PCDHA2: variants seen among roughly 807,000 people sequenced by gnomAD.
The protein encoded by PCDHA2 is protocadherin alpha 2.
A neutral mutation model predicts 66.0 loss-of-function variants in PCDHA2; 58 were observed. The observed-to-expected ratio is 0.88, with a 90% CI of 0.71 to 1.09. The LOEUF (loss-of-function observed/expected upper bound fraction) is 1.09, where lower values mean the gene tolerates loss of function less well. PCDHA2 is among the 50% of genes least tolerant of loss of function. PCDHA2 has a pLI of 0.00. For missense variants in PCDHA2, 1,267 were observed against 1,242.3 expected (o/e 1.02, Z -0.30); for synonymous variants, 634 against 554.0 (o/e 1.14, Z -2.03).
rs2098422801 is a variant in PCDHA2, at chr5:141,012,055, C to T, written c.*2118C>T. On this transcript the variant is annotated 3_prime_UTR_variant, in exon 4 of 4. Coordinates refer to ENST00000526136, the MANE Select transcript of PCDHA2 (RefSeq NM_018905.3). ...GGATTGCATGGGGTAAAACTTGTTA[C>T]CAACACATGTGAACCATTGCTACAT... The T allele has an allele frequency of 6.5e-6, 1 of 153,666 alleles. No individual in the cohort carries two copies. Among genetic ancestry groups the T allele is most frequent in the African/African-American group, 2.4e-5 (1 of 41,404 alleles). 9.5% of individuals were successfully genotyped at this position (153,666 alleles called of 1,614,324 possible).
intron 1 of PCDHA2, among the ~76,000 whole-genome samples, chr5:140,855,586 G>A (rs2043525650): frequency 1.3e-5 from 2 of 149,676 alleles, no homozygotes; most frequent in Admixed American, 1.3e-4. Context: ...TAAAATATTA[G>A]TATACTCAGT....
intron 1 of PCDHA2, among the ~76,000 whole-genome samples, chr5:140,964,393 C>T (rs782008532): frequency 6.6e-6 from 1 of 152,098 alleles, no homozygotes; most frequent in Admixed American, 6.5e-5. Context: ...GTTTTTCTCC[C>T]AAGACATGAC....
intron 1 of PCDHA2, among the ~76,000 whole-genome samples, chr5:140,879,868 A>G (rs544274525): frequency 2.0e-5 from 3 of 152,222 alleles, no homozygotes; most frequent in Middle Eastern, 3.4e-3. Context: ...CTCAGCTTTC[A>G]TGGTCACATT....
chr5:140,815,613 A>T (rs1554126828), intron 1 of PCDHA2: 16 of 152,076 alleles, frequency 1.1e-4, no homozygotes, highest in Non-Finnish European at 1.9e-4. Context: ...TGACTTTTGT[A>T]CCACCATTAC....
At chr5:140,803,544 C>A in intron 1 of PCDHA2, 2 of 1,614,160 alleles carry the variant, frequency 1.2e-6, no homozygotes, top group East Asian at 2.2e-5. Flanking sequence ...TCCAATTAGC[C>A]GGGATAGAGA....
At chr5:140,972,854 G>C (rs895738831) in intron 1 of PCDHA2, among the ~76,000 whole-genome samples, 1 of 151,946 alleles carries the variant, frequency 6.6e-6, no homozygotes, top group African/African-American at 2.4e-5. Context: ...AGTAGAGATG[G>C]GGTTTCATCA....
chr5:140,877,818 T>G (rs1207543793), intron 1 of PCDHA2: 3 of 1,608,774 alleles, frequency 1.9e-6, no homozygotes, highest in African/African-American at 2.7e-5. Context: ...CTCGAGAAGA[T>G]TGTTTAAATC....
Position 140,929,060 on chromosome 5 carries a change from A to G in PCDHA2, c.2389-49889A>G, listed in dbSNP as rs782222884. 3 of 1,614,188 alleles carry G rather than the reference A, an allele frequency of 1.9e-6. No individual in the cohort carries two copies. In the South Asian group the frequency reaches 3.3e-5, roughly 18 times the overall value. On this transcript the variant is annotated intron_variant, in intron 1 of 3. Transcript: ENST00000526136. ...GCTCAGAGCTGCTGTCGCTCTACAGAGGATCTGAGGTATGGAAGTAAGATG... is the reference window on the plus strand; with the variant it reads ...GCTCAGAGCTGCTGTCGCTCTACAGGGGATCTGAGGTATGGAAGTAAGATG...
intron 1 of PCDHA2, chr5:140,823,728 G>A (rs2150128534): frequency 4.8e-5 from 77 of 1,613,922 alleles, no homozygotes; most frequent in South Asian, 2.2e-5. Context: ...TGCTGGTGAA[G>A]GACCATGGAG....
chr5:140,874,903 C>A (rs543752012), intron 1 of PCDHA2, among the ~76,000 whole-genome samples: 1 of 152,054 alleles, frequency 6.6e-6, no homozygotes, highest in Non-Finnish European at 1.5e-5. Context: ...TAAAATCTTA[C>A]GATGGAGTGC....
At chr5:140,892,260 T>C (rs2063449120) in intron 1 of PCDHA2, among the ~76,000 whole-genome samples, 1 of 152,218 alleles carries the variant, frequency 6.6e-6, no homozygotes, top group East Asian at 1.9e-4. Flanking sequence ...TCTTTGATTT[T>C]GTGCTGAAAG....
chr5:140,886,841 A>G lies in PCDHA2; in HGVS notation c.2388+89489A>G, dbSNP rs11748230. ...GACTTCGTCTTGAAAAAAAAAAAAA[A>G]AAAAAAGAAAGGTCTTCCCAACTCC... is the stretch of plus-strand genomic sequence containing the variant. On this transcript the variant is annotated intron_variant, in intron 1 of 3. Transcript: ENST00000526136. Among the ~76,000 whole-genome samples the G allele has an allele frequency of 9.0e-3, 1,368 of 151,662 alleles. 8 individuals are homozygous for G. Among genetic ancestry groups the G allele is most frequent in the Non-Finnish European group, 0.016 (1,078 of 67,864 alleles).
At chr5:140,877,109 G>T (rs370191624) in intron 1 of PCDHA2, 1 of 1,613,590 alleles carries the variant, frequency 6.2e-7, no homozygotes, top group South Asian at 1.1e-5. Flanking sequence ...CCGCCTCTGG[G>T]CAGCAACGTG....
chr5:140,896,406 C>CT (rs35238776), intron 1 of PCDHA2, among the ~76,000 whole-genome samples: 1 of 152,100 alleles, frequency 6.6e-6, no homozygotes, highest in Non-Finnish European at 1.5e-5. Flanking sequence ...TTATTTTTGA[C>CT]TTTTTAGTAA....
In PCDHA2 at chr5:140,882,282, G is replaced by T. The variant is rs145553181; in HGVS notation, c.2388+84930G>T. On this transcript the variant is annotated intron_variant, in intron 1 of 3. Coordinates refer to ENST00000526136, the MANE Select transcript of PCDHA2 (RefSeq NM_018905.3). Reference sequence around the variant, plus strand: ...TTGGAGTGTACCATGCTGTCTTCCTGGCAAGGAGGCCCAAGACCGCGGCAA... The same window carrying T: ...TTGGAGTGTACCATGCTGTCTTCCTTGCAAGGAGGCCCAAGACCGCGGCAA... 4.2e-5 allele frequency: 68 copies of T among 1,612,712 alleles called. No individual in the cohort carries two copies. The African/African-American group carries it at 8.4e-4, about 20-fold the overall frequency.
At chr5:140,884,538 G>A (rs781889228) in intron 1 of PCDHA2, 21 of 1,613,994 alleles carry the variant, frequency 1.3e-5, no homozygotes, top group Non-Finnish European at 1.8e-5. Context: ...AGGCGGCCGA[G>A]GGTGTGCTCT....
chr5:140,797,923 G>C (rs965065804), intron 1 of PCDHA2, among the ~76,000 whole-genome samples: 1 of 152,146 alleles, frequency 6.6e-6, no homozygotes, highest in Admixed American at 6.5e-5. Context: ...TGTGATCTCA[G>C]CTCACTATAA....
At chr5:140,883,280 G>T (rs2059527753) in intron 1 of PCDHA2, 1 of 1,613,990 alleles carries the variant, frequency 6.2e-7, no homozygotes, top group Non-Finnish European at 8.5e-7. Flanking sequence ...TACCCTTTTG[G>T]TGGAAGTACT....
At position 140,859,346 on chromosome 5, in the gene PCDHA2, T is replaced by G. The variant is rs978302846; in HGVS notation, c.2388+61994T>G. On this transcript the variant is annotated intron_variant, in intron 1 of 3. Transcript: ENST00000526136. ...AGGAGAAAATAAAATTAATGTTTTCTACTGATCTGATATATTGTATAGTTT... is the reference window on the plus strand; with the variant it reads ...AGGAGAAAATAAAATTAATGTTTTCGACTGATCTGATATATTGTATAGTTT... 7 of 128,770 alleles carry G rather than the reference T, an allele frequency of 5.4e-5. 1 individual carries two copies. In the Admixed American group the frequency reaches 5.5e-4, roughly 10 times the overall value. 8.0% of individuals were successfully genotyped at this position (128,770 alleles called of 1,614,324 possible).
Sources: gnomAD v4.1 joint callset for allele counts (sites outside exome capture counted in the v4.1 genomes callset) on GRCh38, gnomAD v4.1.1 for gene constraint, MANE v1.5 for transcripts, NCBI Gene and HGNC (gene_info 2026-07-23, HGNC 2026-07-21) for gene names.